Variants in PRRX1 observed in about 807,000 individuals in gnomAD.
PRRX1 encodes the protein paired mesoderm homeobox protein 1.
In PRRX1, 8 loss-of-function variants were observed where a neutral mutation model predicts 24.0. The observed-to-expected ratio is 0.33, with a 90% confidence interval of 0.20 to 0.60. The LOEUF (loss-of-function observed/expected upper bound fraction) is 0.60. PRRX1 is among the 20% of genes least tolerant of loss of function. The pLI is 0.82. For missense variants in PRRX1, 281 were observed against 322.4 expected, an observed-to-expected ratio of 0.87 and a Z score of 0.98; for synonymous variants, 160 against 131.7, an observed-to-expected ratio of 1.22 and a Z score of -1.47.
rs1655021147 is a variant in PRRX1, at chr1:170,719,756, A to G, written c.272A>G (p.Lys91Arg). ...NDQLNSEEKK[K>R]RKQRRNRTTF... The stretch of plus-strand genomic sequence containing the variant: ...CAGCTGAACTCAGAAGAAAAAAAGA[A>G]GAGAAAGCAGCGAAGGAATAGGACA... The change falls in exon 2 of 4, where the codon AAG becomes AGG. Residue 91 changes from lysine to arginine, a missense_variant. Transcript: ENST00000239461. 1.2e-6 allele frequency: 2 copies of G among 1,614,216 alleles called. No individual in the cohort carries two copies. The highest frequency in any genetic ancestry group is 8.5e-7 in the Non-Finnish European group (1 of 1,180,042).
intron 2 of PRRX1, among the ~76,000 whole-genome samples, chr1:170,720,149 G>A (rs533952394): frequency 3.9e-5 from 6 of 152,184 alleles, no homozygotes; most frequent in South Asian, 2.1e-4. Flanking sequence ...ATGATGCTGC[G>A]TGCCTGTGGT....
intron 1 of PRRX1, among the ~76,000 whole-genome samples, chr1:170,700,808 G>T (rs940720219): frequency 1.3e-5 from 2 of 152,136 alleles, no homozygotes; most frequent in Non-Finnish European, 2.9e-5. Flanking sequence ...GTCTTAGCAT[G>T]TTGGGAAAGG....
intron 1 of PRRX1, among the ~76,000 whole-genome samples, chr1:170,671,887 G>A (rs1484348924): frequency 6.6e-6 from 1 of 152,154 alleles, no homozygotes; most frequent in East Asian, 1.9e-4. Flanking sequence ...TTCTGCATAT[G>A]TACTTGAGGT....
chr1:170,714,582 AC>A (rs1654847864), intron 1 of PRRX1, among the ~76,000 whole-genome samples: 1 of 152,144 alleles, frequency 6.6e-6, no homozygotes, highest in Admixed American at 6.6e-5. Context: ...CCTTTAAATT[AC>A]GTTTGGCTGA....
chr1:170,734,486 G>T (rs1655543191), intron 3 of PRRX1, among the ~76,000 whole-genome samples: 1 of 152,132 alleles, frequency 6.6e-6, no homozygotes, highest in African/African-American at 2.4e-5. Flanking sequence ...CTTGAATCAA[G>T]TGCTAAAAGC....
intron 3 of PRRX1, chr1:170,726,696 T>C: frequency 3.0e-6 from 1 of 333,156 alleles, no homozygotes; most frequent in Non-Finnish European, 5.5e-6. Context: ...CATTAAGCTG[T>C]GCCCAGTGTT....
At chr1:170,693,935 A>G (rs1654074520) in intron 1 of PRRX1, among the ~76,000 whole-genome samples, 1 of 152,060 alleles carries the variant, frequency 6.6e-6, no homozygotes, top group African/African-American at 2.4e-5. Context: ...CATCTTATTT[A>G]TACATATTTT....
intron 1 of PRRX1, among the ~76,000 whole-genome samples, chr1:170,713,699 T>C (rs186375676): frequency 1.3e-5 from 2 of 152,342 alleles, no homozygotes; most frequent in Non-Finnish European, 2.9e-5. Context: ...TCACACTTCT[T>C]AGAGCATTTT....
rs143082865 is a variant in PRRX1 at position 170,666,311 on chromosome 1, A to G, written c.241+1852A>G. Among the ~76,000 whole-genome samples the G allele has an allele frequency of 4.7e-3, 714 of 150,670 alleles. 2 individuals carry two copies. The highest frequency in any genetic ancestry group is 0.016 in the African/African-American group (649 of 40,980). ...CGAGCGCCTGTAATCCCGGTTACTC[A>G]GCAGGCTGAGGCAGGAGAATCGCTT... On this transcript the variant is annotated intron_variant, in intron 1 of 3. Coordinates refer to ENST00000239461, the MANE Select transcript of PRRX1 (RefSeq NM_022716.4).
intron 1 of PRRX1, among the ~76,000 whole-genome samples, chr1:170,714,105 A>G (rs1213556123): frequency 1.3e-5 from 2 of 152,234 alleles, no homozygotes; most frequent in East Asian, 3.8e-4. Context: ...GCCATTTATC[A>G]GGACACATAT....
chr1:170,736,034 C>A lies in PRRX1; in HGVS notation c.600-14C>A, dbSNP rs561062756. On this transcript the variant is annotated splice_polypyrimidine_tract_variant and intron_variant, in intron 3 of 3. Transcript: ENST00000239461. ...TGCCTGTTATTCTCCCTGCTCTCTCCTTTGTCCCTACAGCGCCATGGCTAC... is the reference window on the plus strand; with the variant it reads ...TGCCTGTTATTCTCCCTGCTCTCTCATTTGTCCCTACAGCGCCATGGCTAC... The A allele has an allele frequency of 5.0e-6, 8 of 1,613,914 alleles. No homozygotes were observed. The East Asian group carries it at 1.1e-4, about 22-fold the overall frequency.
In PRRX1 at chr1:170,686,001, G is replaced by A. The variant is rs138037953; in HGVS notation, c.241+21542G>A. On this transcript the variant is annotated intron_variant, in intron 1 of 3. Transcript: ENST00000239461. ...CACAAGAGACTGAACTGAAGGGTGA[G>A]GCTTGTGAATTTCATTGGCTGTAGT... 5.3e-5 allele frequency among the ~76,000 whole-genome samples: 8 copies of A among 152,088 alleles called. No homozygotes were observed. In the East Asian group the frequency reaches 1.5e-3, roughly 29 times the overall value.
intron 1 of PRRX1, among the ~76,000 whole-genome samples, chr1:170,689,133 C>G (rs1653843883): frequency 6.6e-6 from 1 of 152,066 alleles, no homozygotes; most frequent in Non-Finnish European, 1.5e-5. Context: ...TCCCTAACTT[C>G]TTTGGGCAGT....
chr1:170,712,634 C>G (rs965025076), intron 1 of PRRX1, among the ~76,000 whole-genome samples: 3 of 152,140 alleles, frequency 2.0e-5, no homozygotes, highest in African/African-American at 4.8e-5. Flanking sequence ...TACTATGTGT[C>G]AGCCTATGTG....
In PRRX1 at chr1:170,664,300, C is replaced by T; in HGVS notation, c.82C>T (p.Leu28=). 6.2e-7 allele frequency: 1 copy of T among 1,613,572 alleles called. No individual in the cohort carries two copies. The highest frequency in any genetic ancestry group is 8.5e-7 in the Non-Finnish European group (1 of 1,179,850). ...GGACAGCCCGGGCAACCTCGACACC[C>T]TGCAGGCGAAAAAGAACTTCTCCGT... ...RLDSPGNLDT[L]QAKKNFSVSH... The change falls in exon 1 of 4, where the codon CTG becomes TTG. Residue 28 remains leucine, a synonymous_variant. Transcript: ENST00000239461.
intron 1 of PRRX1, chr1:170,669,466 T>C (rs77496628): frequency 5.7e-5 from 3 of 53,078 alleles, no homozygotes; most frequent in Admixed American, 5.5e-4. Flanking sequence ...TCAGAAGCAG[T>C]GATGCGTTTC....
intron 1 of PRRX1, among the ~76,000 whole-genome samples, chr1:170,678,550 A>G (rs1269284831): frequency 6.6e-6 from 1 of 152,248 alleles, no homozygotes; most frequent in African/African-American, 2.4e-5. Flanking sequence ...TCTTGGCAAT[A>G]GCATTCTGAT....
chr1:170,693,221 T>C (rs527469679), intron 1 of PRRX1, among the ~76,000 whole-genome samples: 1 of 152,096 alleles, frequency 6.6e-6, no homozygotes, highest in East Asian at 1.9e-4. Context: ...GGAATCAGGG[T>C]GAGAAGAGAT....
At chr1:170,673,769 G>A (rs148628825) in intron 1 of PRRX1, among the ~76,000 whole-genome samples, 2 of 152,274 alleles carry the variant, frequency 1.3e-5, no homozygotes, top group East Asian at 3.9e-4. Context: ...ATGCACTTCA[G>A]ACTCATCCTT....
Sources: allele counts gnomAD v4.1 joint callset (sites outside exome capture counted in the v4.1 genomes callset), GRCh38; gene constraint gnomAD v4.1.1; transcripts MANE v1.5; gene names NCBI Gene and HGNC (gene_info 2026-07-23, HGNC 2026-07-21).